The following MTUS2 variants were observed in gnomAD, a reference collection of about 807,000 sequenced individuals.
The protein encoded by MTUS2 is microtubule associated scaffold protein 2.
MTUS2 carries 40 observed loss-of-function variants against 114.1 expected under a neutral mutation model. The ratio of observed to expected loss-of-function variants is 0.35; its 90% confidence interval spans 0.27 to 0.46. MTUS2 has a LOEUF of 0.46. Ranked by LOEUF, MTUS2 falls within the 20% of genes least tolerant of loss-of-function variation. The pLI is 1.00. For missense variants in MTUS2, 1,679 were observed against 1,705.4 expected, an observed-to-expected ratio of 0.98 and a Z score of 0.27; for synonymous variants, 688 against 672.0, an observed-to-expected ratio of 1.02 and a Z score of -0.37.
At chr13:29,286,311 A>G (rs1566110501) in intron 6 of MTUS2, among the ~76,000 whole-genome samples, 2 of 152,254 alleles carry the variant, frequency 1.3e-5, no homozygotes, top group Non-Finnish European at 2.9e-5. Context: ...ATGAAATGCT[A>G]TCTGGTATTT....
At chr13:28,982,766 A>G (rs981994611) in intron 2 of MTUS2, among the ~76,000 whole-genome samples, 8 of 152,268 alleles carry the variant, frequency 5.3e-5, no homozygotes, top group African/African-American at 1.9e-4. Flanking sequence ...TGTTAAAGGA[A>G]ATAAGCCAGT....
intron 5 of MTUS2, among the ~76,000 whole-genome samples, chr13:29,172,883 A>G (rs997764539): frequency 2.0e-5 from 3 of 152,218 alleles, no homozygotes; most frequent in African/African-American, 7.2e-5. Flanking sequence ...TTTTTACTTT[A>G]TATTGGTCCT....
At chr13:28,960,489 T>C (rs1232156728) in intron 2 of MTUS2, among the ~76,000 whole-genome samples, 1 of 152,188 alleles carries the variant, frequency 6.6e-6, no homozygotes, top group Non-Finnish European at 1.5e-5. Context: ...GCATACACAA[T>C]ATATCCTCAT....
At chr13:29,489,468 A>G (rs1407307128) in intron 11 of MTUS2, among the ~76,000 whole-genome samples, 1 of 152,184 alleles carries the variant, frequency 6.6e-6, no homozygotes, top group Non-Finnish European at 1.5e-5. Context: ...TAAGTGACCA[A>G]GCTGGAGGCA....
At chr13:29,411,436 A>G (rs1875230722) in intron 8 of MTUS2, among the ~76,000 whole-genome samples, 1 of 152,202 alleles carries the variant, frequency 6.6e-6, no homozygotes, top group South Asian at 2.1e-4. Flanking sequence ...TCTATGGTAT[A>G]CACATAAGCC....
chr13:29,014,470 A>C (rs1885982417), intron 2 of MTUS2, among the ~76,000 whole-genome samples: 2 of 152,230 alleles, frequency 1.3e-5, no homozygotes, highest in African/African-American at 4.8e-5. Flanking sequence ...TAGCCTGGTC[A>C]CTGGGATCTG....
intron 5 of MTUS2, among the ~76,000 whole-genome samples, chr13:29,190,849 C>T (rs146288725): frequency 6.4e-4 from 97 of 152,308 alleles, no homozygotes; most frequent in African/African-American, 2.1e-3. Flanking sequence ...GTTGACCTGA[C>T]GTTCACTGTG....
chr13:29,087,868 C>A (rs1383045802), intron 4 of MTUS2, among the ~76,000 whole-genome samples: 3 of 152,054 alleles, frequency 2.0e-5, no homozygotes, highest in African/African-American at 7.2e-5. Context: ...ACCATCCTGG[C>A]TAACATGGTG....
At chr13:28,838,289 T>C (rs1875229340) in intron 1 of MTUS2, among the ~76,000 whole-genome samples, 1 of 152,256 alleles carries the variant, frequency 6.6e-6, no homozygotes, top group South Asian at 2.1e-4. Context: ...GAATTTTCTA[T>C]ATCTGGGGTA....
rs567420335 is a variant in MTUS2, at chr13:29,385,410, G to A, written c.3117+25937G>A. ...GCCCAGGCACAGAGGAGGCCAAAAA[G>A]TAGAGATGTCAGGACCACAAGAAAA... On this transcript the variant is annotated intron_variant, in intron 8 of 15. Coordinates refer to ENST00000612955, the MANE Select transcript of MTUS2 (RefSeq NM_001033602.4). Among the ~76,000 whole-genome samples, 147 of 152,326 alleles carry A rather than the reference G, an allele frequency of 9.7e-4. 1 individual carries two copies. Among genetic ancestry groups the A allele is most frequent in the African/African-American group, 3.5e-3 (144 of 41,568 alleles).
intron 4 of MTUS2, among the ~76,000 whole-genome samples, chr13:29,040,879 G>T (rs1445578508): frequency 6.6e-6 from 1 of 152,116 alleles, no homozygotes; most frequent in Non-Finnish European, 1.5e-5. Context: ...TGCATAGTTT[G>T]CAAAGATTTT....
intron 2 of MTUS2, among the ~76,000 whole-genome samples, chr13:28,973,208 G>T (rs1316641521): frequency 6.6e-6 from 1 of 152,104 alleles, no homozygotes; most frequent in African/African-American, 2.4e-5. Context: ...GTCTGCTGTT[G>T]ATAGACACTG....
Position 29,135,793 on chromosome 13 carries a change from A to G in MTUS2, c.2644+34823A>G, listed in dbSNP as rs944537487. ...TTTATGCTAGTTAAACTTCAATAAC[A>G]TACAAAATCTCTGCTCCTTTAACAG... On this transcript the variant is annotated intron_variant, in intron 5 of 15. Transcript: ENST00000612955. Among the ~76,000 whole-genome samples, 33 of 152,356 alleles carry G rather than the reference A, an allele frequency of 2.2e-4. No homozygotes were observed. In the East Asian group the frequency reaches 4.4e-3, roughly 20 times the overall value.
intron 8 of MTUS2, among the ~76,000 whole-genome samples, chr13:29,367,246 G>C (rs1870797238): frequency 1.3e-5 from 2 of 152,118 alleles, no homozygotes; most frequent in Admixed American, 1.3e-4. Context: ...GACCTCAGCA[G>C]GCAAAGGTGG....
intron 7 of MTUS2, 86 bp from the exon 8 acceptor site, chr13:29,359,176 A>T (rs1364086983): frequency 1.6e-6 from 2 of 1,264,148 alleles, no homozygotes; most frequent in South Asian, 1.6e-5. Context: ...CCACTTGAAG[A>T]ACTCCTTGTG....
intron 1 of MTUS2, among the ~76,000 whole-genome samples, chr13:28,833,547 T>C (rs1457610020): frequency 1.3e-5 from 2 of 152,072 alleles, no homozygotes; most frequent in African/African-American, 4.8e-5. Context: ...AAACTAGGAA[T>C]GGAAGGAAAC....
chr13:28,836,725 C>T (rs1034341864), intron 1 of MTUS2, among the ~76,000 whole-genome samples: 1 of 152,156 alleles, frequency 6.6e-6, no homozygotes, highest in African/African-American at 2.4e-5. Context: ...CTTGCAACAG[C>T]ACTGCCCAGG....
chr13:29,485,439 G>A (rs1231765735), intron 10 of MTUS2: 1 of 152,288 alleles, frequency 6.6e-6, no homozygotes, highest in Non-Finnish European at 1.5e-5. Context: ...AAAGTTGCAT[G>A]AAACCTGAAT....
chr13:29,194,897 A>G (rs1287593309), intron 5 of MTUS2, among the ~76,000 whole-genome samples: 3 of 148,850 alleles, frequency 2.0e-5, no homozygotes, highest in African/African-American at 4.9e-5. Context: ...CATATACACC[A>G]TGGAATACTA....
Sources: gnomAD v4.1 joint callset for allele counts (sites outside exome capture counted in the v4.1 genomes callset) on GRCh38, gnomAD v4.1.1 for gene constraint, MANE v1.5 for transcripts, NCBI Gene and HGNC (gene_info 2026-07-23, HGNC 2026-07-21) for gene names.